The following RASA1 variants were observed in gnomAD, a reference collection of about 807,000 sequenced individuals.
The protein encoded by RASA1 is RAS p21 protein activator 1.
Under a neutral mutation model 132.2 loss-of-function variants are expected in RASA1, and 25 were observed. That is an observed-to-expected ratio of 0.19 (90% CI 0.14 to 0.26). The LOEUF is 0.26. Ranked by LOEUF, RASA1 falls within the 10% of genes least tolerant of loss-of-function variation. The pLI is 1.00. For synonymous variants in RASA1, 477 were observed against 449.9 expected, an observed-to-expected ratio of 1.06 and a Z score of -0.76; for missense variants, 964 against 1,299.2, an observed-to-expected ratio of 0.74 and a Z score of 3.97.
chr5:87,320,486 C>CT (rs1756704772), intron 1 of RASA1, among the ~76,000 whole-genome samples: 1 of 152,186 alleles, frequency 6.6e-6, no homozygotes, highest in Admixed American at 6.5e-5. Context: ...CCTCAGAAGA[C>CT]TTACAATCAT....
chr5:87,332,831 A>C (rs1367120221), intron 3 of RASA1, among the ~76,000 whole-genome samples, 189 bp downstream of exon 3: 1 of 152,110 alleles, frequency 6.6e-6, no homozygotes, highest in Non-Finnish European at 1.5e-5. Context: ...ATTTTTCAAT[A>C]ATTTTGTATT....
intron 20 of RASA1, 91 bp from the exon 21 acceptor site, chr5:87,383,622 C>G: frequency 1.0e-6 from 1 of 977,182 alleles, no homozygotes; most frequent in Non-Finnish European, 1.5e-6. Flanking sequence ...TCTATGAGTA[C>G]TAAAAATTCT....
intron 4 of RASA1, among the ~76,000 whole-genome samples, chr5:87,334,161 G>T (rs901503948): frequency 6.6e-6 from 1 of 152,018 alleles, no homozygotes; most frequent in Non-Finnish European, 1.5e-5. Flanking sequence ...CCCACAATCG[G>T]CTGTCTGCAA....
chr5:87,337,905 G>C (rs1015372480), intron 4 of RASA1, 69 bp from the exon 5 acceptor site: 96 of 1,452,022 alleles, frequency 6.6e-5, no homozygotes, highest in Non-Finnish European at 8.4e-5. Flanking sequence ...CTATTTTGTG[G>C]TATATGACTA....
intron 1 of RASA1, among the ~76,000 whole-genome samples, chr5:87,297,115 T>G (rs777683151): frequency 2.6e-5 from 4 of 152,206 alleles, no homozygotes; most frequent in Non-Finnish European, 4.4e-5. Context: ...TAACATTTCT[T>G]TTTATCCTTT....
chr5:87,316,818 C>T (rs1336513402), intron 1 of RASA1, among the ~76,000 whole-genome samples: 6 of 152,000 alleles, frequency 3.9e-5, no homozygotes, highest in Middle Eastern at 3.4e-3. Context: ...GAAATTAAAG[C>T]GGCTCTAAAG....
chr5:87,269,195 C>T, intron 1 of RASA1: 2 of 1,596,528 alleles, frequency 1.3e-6, no homozygotes, highest in Non-Finnish European at 1.7e-6. Context: ...ATTTATTGCT[C>T]CTCTGGGAAA....
rs986321197 is a variant in RASA1, at chr5:87,335,421, T to G, written c.899+2084T>G. On this transcript the variant is annotated intron_variant, in intron 4 of 24. Coordinates refer to ENST00000274376, the MANE Select transcript of RASA1 (RefSeq NM_002890.3). ...AGGTGAAGATAATAAAGAATGAGGTTTTTTTTTTTTTTTTTTTTTTTTTGT... is the reference window on the plus strand; with the variant it reads ...AGGTGAAGATAATAAAGAATGAGGTGTTTTTTTTTTTTTTTTTTTTTTTGT... Among the ~76,000 whole-genome samples the G allele has an allele frequency of 6.5e-5, 4 of 62,010 alleles. No homozygotes were observed. The South Asian group carries it at 1.9e-3, about 29-fold the overall frequency. 40.7% of individuals were successfully genotyped at this position (62,010 alleles called of 152,430 possible).
At chr5:87,369,963 T>A in intron 12 of RASA1, 63 bp downstream of exon 12, 1 of 1,341,884 alleles carries the variant, frequency 7.5e-7, no homozygotes, top group Non-Finnish European at 1.1e-6. Flanking sequence ...TCTTATTAAC[T>A]GGAATAGAAA....
intron 1 of RASA1, among the ~76,000 whole-genome samples, chr5:87,303,903 G>A (rs1314103185): frequency 2.7e-5 from 4 of 146,706 alleles, no homozygotes; most frequent in Non-Finnish European, 4.5e-5. Context: ...GCGCGATCTC[G>A]GCTCACTGCA....
In RASA1 at chr5:87,267,909, C is replaced by G. The variant is rs942341860; in HGVS notation, c.-543C>G. 5 of 393,142 alleles carry G rather than the reference C, an allele frequency of 1.3e-5. No individual in the cohort carries two copies. Among genetic ancestry groups the G allele is most frequent in the African/African-American group, 1.0e-4 (5 of 48,336 alleles). 24.4% of individuals were successfully genotyped at this position (393,142 alleles called of 1,614,324 possible). A position where few individuals can be genotyped will look rare whatever the true frequency, so the allele number is the denominator to read the frequency against. ...CTCACTGAGAGCTCCAGGTAGTGAG[C>G]AGTTCAGTCGATTTCCTCGTTACCC... is the stretch of plus-strand genomic sequence containing the variant. On this transcript the variant is annotated 5_prime_UTR_variant, in exon 1 of 25. Transcript: ENST00000274376.
At chr5:87,378,251 T>A in intron 17 of RASA1, 145 bp from the exon 18 acceptor site, 1 of 851,764 alleles carries the variant, frequency 1.2e-6, no homozygotes, top group Non-Finnish European at 1.9e-6. Flanking sequence ...AGGATGTCAT[T>A]GTAATTAGTA....
chr5:87,312,237 T>C (rs913807508), intron 1 of RASA1, among the ~76,000 whole-genome samples: 4 of 152,232 alleles, frequency 2.6e-5, no homozygotes, highest in African/African-American at 9.7e-5. Flanking sequence ...GTAATAGTCT[T>C]CATATACTAT....
chr5:87,337,512 A>G (rs1758058769), intron 4 of RASA1, among the ~76,000 whole-genome samples: 1 of 152,084 alleles, frequency 6.6e-6, no homozygotes, highest in African/African-American at 2.4e-5. Flanking sequence ...CATTTTCTGA[A>G]GTAACTCTAT....
intron 6 of RASA1, among the ~76,000 whole-genome samples, chr5:87,344,719 A>T (rs1414600139): frequency 7.5e-6 from 1 of 133,500 alleles, no homozygotes; most frequent in South Asian, 2.3e-4. Flanking sequence ...AGGTCTTACT[A>T]TGCTGCCCAG....
At chr5:87,358,014 AACTC>A (rs778295188) in intron 9 of RASA1, among the ~76,000 whole-genome samples, 8 of 152,274 alleles carry the variant, frequency 5.3e-5, no homozygotes, top group Admixed American at 6.5e-5. Context: ...GGAATAATAA[AACTC>A]ACTCATTCTT....
rs1196373804 is a variant in RASA1 at position 87,374,143 on chromosome 5, ATATAT to A, written c.1777-18_1777-14del. 41 of 1,379,288 alleles carry A rather than the reference ATATAT, an allele frequency of 3.0e-5. No individual in the cohort carries two copies. Among genetic ancestry groups the A allele is most frequent in the Admixed American group, 7.8e-5 (3 of 38,258 alleles). The allele number at this position is 1,379,288 out of a possible 1,614,324, so 85.4% of individuals were successfully genotyped here. On this transcript the variant is annotated splice_polypyrimidine_tract_variant and intron_variant, in intron 13 of 24. Transcript: ENST00000274376. The stretch of plus-strand genomic sequence containing the variant: ...TAGAAATCTGGGGTAATATATATAT[ATATAT>A]TTTTTTTTTTTTAGGTCAGCAGCCT...
At chr5:87,299,891 C>CTA (rs1207922226) in intron 1 of RASA1, 2 of 151,950 alleles carry the variant, frequency 1.3e-5, no homozygotes, top group East Asian at 1.9e-4. Flanking sequence ...AGTCAGAAAC[C>CTA]TATATAGATG....
At chr5:87,276,023 T>C (rs1329055432) in intron 1 of RASA1, among the ~76,000 whole-genome samples, 2 of 152,138 alleles carry the variant, frequency 1.3e-5, no homozygotes, top group Admixed American at 6.5e-5. Flanking sequence ...GCATTAAATA[T>C]GGGAGGGGAC....
Sources: gnomAD v4.1 joint callset for allele counts (sites outside exome capture counted in the v4.1 genomes callset) on GRCh38, gnomAD v4.1.1 for gene constraint, MANE v1.5 for transcripts, NCBI Gene and HGNC (gene_info 2026-07-23, HGNC 2026-07-21) for gene names.